Variants in TMPRSS12 observed in about 807,000 individuals in gnomAD.
TMPRSS12 encodes transmembrane serine protease 12.
In TMPRSS12, 25 loss-of-function variants were observed where a neutral mutation model predicts 26.0. The observed-to-expected ratio is 0.96, with a 90% CI of 0.70 to 1.34. The LOEUF (loss-of-function observed/expected upper bound fraction) is 1.34. Among genes scored for constraint, TMPRSS12 ranks in the 40% most tolerant of loss-of-function variants. TMPRSS12 has a pLI of 0.00. For missense variants in TMPRSS12, 441 were observed against 440.1 expected (o/e 1.00, Z -0.02); for synonymous variants, 150 against 161.7 (o/e 0.93, Z 0.55).
At position 50,872,864 on chromosome 12, in the gene TMPRSS12, C is replaced by CTATATATGTACATATATATGACG. The variant is rs1565936076; in HGVS notation, c.653-12359_653-12337dup. Among the ~76,000 whole-genome samples, 3 of 12,268 alleles carry CTATATATGTACATATATATGACG rather than the reference C, an allele frequency of 2.4e-4. 1 individual carries two copies. Among genetic ancestry groups the CTATATATGTACATATATATGACG allele is most frequent in the Non-Finnish European group, 4.4e-4 (2 of 4,546 alleles). The allele number at this position is 12,268 out of a possible 152,430, so 8.0% of individuals were successfully genotyped here. ...CGTCTATATATGTACATATATATGA[C>CTATATATGTACATATATATGACG]TATATATGTACATATATATGACGTA... On this transcript the variant is annotated intron_variant, in intron 3 of 4. Transcript: ENST00000398458.
intron 3 of TMPRSS12, among the ~76,000 whole-genome samples, chr12:50,877,544 C>A (rs754060505): frequency 1.3e-5 from 2 of 152,150 alleles, no homozygotes; most frequent in African/African-American, 4.8e-5. Context: ...TCTATACTTG[C>A]AATAAACTAT....
intron 3 of TMPRSS12, among the ~76,000 whole-genome samples, chr12:50,882,968 G>A (rs1565938273): frequency 1.3e-5 from 2 of 152,084 alleles, no homozygotes; most frequent in Non-Finnish European, 2.9e-5. Context: ...AAAGCCCAAC[G>A]TTATAAATGC....
chr12:50,850,426 A>T (rs1428096721), intron 2 of TMPRSS12, among the ~76,000 whole-genome samples: 1 of 152,170 alleles, frequency 6.6e-6, no homozygotes, highest in East Asian at 1.9e-4. Flanking sequence ...AAAAAATTTT[A>T]AAAATTAGCC....
intron 3 of TMPRSS12, among the ~76,000 whole-genome samples, chr12:50,872,652 A>G (rs948878333): frequency 3.5e-5 from 4 of 115,900 alleles, no homozygotes; most frequent in Admixed American, 2.6e-4. Flanking sequence ...ATATGTACAT[A>G]TATGACGTAT....
intron 3 of TMPRSS12, among the ~76,000 whole-genome samples, chr12:50,877,078 G>C (rs1938120495): frequency 6.6e-6 from 1 of 152,070 alleles, no homozygotes; most frequent in Non-Finnish European, 1.5e-5. Context: ...GAGGGGCCAA[G>C]GGCTAAAAAG....
chr12:50,870,400 A>C lies in TMPRSS12; in HGVS notation c.652+11347A>C, dbSNP rs376264960. Reference sequence around the variant, plus strand: ...GAAGAGGCATTCGGCAAAATCCAGCATCGTTTTATGATTAAAACTCTCAGC... The same window carrying C: ...GAAGAGGCATTCGGCAAAATCCAGCCTCGTTTTATGATTAAAACTCTCAGC... On this transcript the variant is annotated intron_variant, in intron 3 of 4. Transcript: ENST00000398458. 3.9e-5 allele frequency among the ~76,000 whole-genome samples: 6 copies of C among 152,284 alleles called. No homozygotes were observed. The East Asian group carries it at 7.7e-4, about 20-fold the overall frequency.
Position 50,858,830 on chromosome 12 carries a change from T to C in TMPRSS12, c.429T>C (p.His143=), listed in dbSNP as rs768103945. The stretch of plus-strand genomic sequence containing the variant: ...CTGTGATTGGAACTAATAATATACA[T>C]GGACGCTATCCTCATACCAAGAAGA... The part of the protein sequence containing the change: ...WTAVIGTNNI[H]GRYPHTKKIK... The change falls in exon 3 of 5, where the codon CAT becomes CAC. Residue 143 remains histidine, a synonymous_variant. Transcript: ENST00000398458. 25 of 1,609,136 alleles carry C rather than the reference T, an allele frequency of 1.6e-5. No homozygotes were observed. The highest frequency in any genetic ancestry group is 2.1e-5 in the Non-Finnish European group (25 of 1,177,694).
At chr12:50,875,794 A>G (rs1938108092) in intron 3 of TMPRSS12, among the ~76,000 whole-genome samples, 1 of 152,340 alleles carries the variant, frequency 6.6e-6, no homozygotes, top group African/African-American at 2.4e-5. Flanking sequence ...TCAAGCTACA[A>G]GAATCCTAGA....
chr12:50,882,946 A>T (rs575015528), intron 3 of TMPRSS12, among the ~76,000 whole-genome samples: 1 of 152,360 alleles, frequency 6.6e-6, no homozygotes, highest in South Asian at 2.1e-4. Context: ...AATCAAGTAA[A>T]CGCAGTAAGA....
At chr12:50,876,550 A>G (rs997517577) in intron 3 of TMPRSS12, among the ~76,000 whole-genome samples, 8 of 152,172 alleles carry the variant, frequency 5.3e-5, no homozygotes, top group Admixed American at 4.6e-4. Flanking sequence ...CACGCCTGTA[A>G]TCCCAGCACT....
At chr12:50,864,799 A>G (rs2139728122) in intron 3 of TMPRSS12, among the ~76,000 whole-genome samples, 1 of 151,866 alleles carries the variant, frequency 6.6e-6, no homozygotes, top group South Asian at 2.1e-4. Flanking sequence ...CTGGGACTAC[A>G]GGCGCCCACC....
intron 3 of TMPRSS12, among the ~76,000 whole-genome samples, chr12:50,876,798 T>C (rs1342568285): frequency 1.1e-5 from 1 of 93,112 alleles, no homozygotes; most frequent in Non-Finnish European, 2.1e-5. Flanking sequence ...ATCAAGACTC[T>C]GTCTCAAAAA....
intron 2 of TMPRSS12, among the ~76,000 whole-genome samples, chr12:50,846,013 G>A (rs1357482394): frequency 6.6e-6 from 1 of 152,110 alleles, no homozygotes; most frequent in Non-Finnish European, 1.5e-5. Context: ...AGTTGTAGGA[G>A]TTCTTTATGT....
chr12:50,870,084 C>T (rs780704833), intron 3 of TMPRSS12, among the ~76,000 whole-genome samples: 2 of 151,740 alleles, frequency 1.3e-5, no homozygotes, highest in Non-Finnish European at 2.9e-5. Flanking sequence ...CTCCCAGCTA[C>T]TCAGGGGGCT....
chr12:50,857,781 T>G (rs962559448), intron 2 of TMPRSS12, among the ~76,000 whole-genome samples: 1 of 149,552 alleles, frequency 6.7e-6, no homozygotes, highest in African/African-American at 2.5e-5. Flanking sequence ...TTTTTCTGGT[T>G]TAGTTTTTTG....
At chr12:50,847,146 C>T (rs892501450) in intron 2 of TMPRSS12, among the ~76,000 whole-genome samples, 6 of 151,316 alleles carry the variant, frequency 4.0e-5, no homozygotes, top group African/African-American at 1.5e-4. Context: ...GCAAGCTCCG[C>T]CTCCCGGGTT....
chr12:50,862,774 ACCT>A (rs958749685), intron 3 of TMPRSS12, among the ~76,000 whole-genome samples: 2 of 151,694 alleles, frequency 1.3e-5, no homozygotes, highest in Non-Finnish European at 2.9e-5. Context: ...TCATCTGCCC[ACCT>A]TGGCCTCCCA....
chr12:50,852,381 G>A (rs1937834156), intron 2 of TMPRSS12, among the ~76,000 whole-genome samples: 1 of 152,158 alleles, frequency 6.6e-6, no homozygotes, highest in Admixed American at 6.5e-5. Flanking sequence ...AAAAAGAGCA[G>A]GGGTTGCTAT....
chr12:50,867,444 A>G (rs1342238626), intron 3 of TMPRSS12, among the ~76,000 whole-genome samples: 2 of 152,230 alleles, frequency 1.3e-5, no homozygotes, highest in African/African-American at 4.8e-5. Context: ...GAATAAGAAA[A>G]TATGAACAAA....
Sources: allele counts gnomAD v4.1 joint callset (sites outside exome capture counted in the v4.1 genomes callset), GRCh38; gene constraint gnomAD v4.1.1; transcripts MANE v1.5; gene names NCBI Gene and HGNC (gene_info 2026-07-23, HGNC 2026-07-21).